The following ARHGAP44 variants were observed in gnomAD, a reference collection of about 807,000 sequenced individuals.
ARHGAP44 encodes rho GTPase-activating protein 44.
ARHGAP44 carries 43 observed loss-of-function variants against 106.8 expected under a neutral mutation model. That is an observed-to-expected ratio of 0.40 (90% confidence interval 0.32 to 0.52). The LOEUF (loss-of-function observed/expected upper bound fraction) is 0.52, where lower values mean the gene tolerates loss of function less well. Ranked by LOEUF, ARHGAP44 falls within the 20% of genes least tolerant of loss-of-function variation. ARHGAP44 has a pLI of 0.48. For synonymous variants in ARHGAP44, 439 were observed against 410.3 expected (o/e 1.07, Z -0.85); for missense variants, 866 against 1,050.5 (o/e 0.82, Z 2.43).
intron 1 of ARHGAP44, among the ~76,000 whole-genome samples, chr17:12,802,948 TATATATATATATATATA>T (rs1434414480): frequency 0.019 from 671 of 36,128 alleles, 68 homozygotes; most frequent in Non-Finnish European, 0.021. Flanking sequence ...TATATATATA[TATATATATATATATATA>T]TATATTTTTT....
intron 1 of ARHGAP44, among the ~76,000 whole-genome samples, chr17:12,848,786 G>T (rs2035645058): frequency 6.6e-6 from 1 of 152,118 alleles, no homozygotes; most frequent in Admixed American, 6.5e-5. Flanking sequence ...GGTGGCTCAT[G>T]CCTGTAATCC....
In ARHGAP44 at chr17:12,981,272, C is replaced by G. The variant is rs55708868; in HGVS notation, c.1939+1039C>G. 2.6e-5 allele frequency among the ~76,000 whole-genome samples: 4 copies of G among 152,032 alleles called. No homozygotes were observed. In the South Asian group the frequency reaches 8.3e-4, roughly 32 times the overall value. On this transcript the variant is annotated intron_variant, in intron 19 of 20. Transcript: ENST00000379672. ...TCAGGAGTTAGGACAGGTGGCCCAGCGGAAACGACATCGTGAAGGTTGAAT... is the reference window on the plus strand; with the variant it reads ...TCAGGAGTTAGGACAGGTGGCCCAGGGGAAACGACATCGTGAAGGTTGAAT...
chr17:12,830,007 G>T (rs2035038133), intron 1 of ARHGAP44, among the ~76,000 whole-genome samples: 1 of 152,172 alleles, frequency 6.6e-6, no homozygotes, highest in Non-Finnish European at 1.5e-5. Context: ...ATAAATGAAT[G>T]AAACCAAATA....
At chr17:12,843,096 C>G (rs1348110871) in intron 1 of ARHGAP44, among the ~76,000 whole-genome samples, 4 of 151,750 alleles carry the variant, frequency 2.6e-5, no homozygotes, top group East Asian at 3.9e-4. Context: ...ATGGTGGAAG[C>G]CTTGTGTAAA....
chr17:12,830,038 C>A (rs998876003), intron 1 of ARHGAP44, among the ~76,000 whole-genome samples: 2 of 152,154 alleles, frequency 1.3e-5, no homozygotes, highest in African/African-American at 2.4e-5. Flanking sequence ...CAGTTAAGAA[C>A]TTGTCCTGCA....
chr17:12,960,025 G>A (rs2039220127), intron 16 of ARHGAP44, among the ~76,000 whole-genome samples: 1 of 152,214 alleles, frequency 6.6e-6, no homozygotes, highest in Admixed American at 6.5e-5. Context: ...GTTGGTATTG[G>A]AGAACTAAAG....
intron 1 of ARHGAP44, among the ~76,000 whole-genome samples, chr17:12,867,340 A>G (rs1244853694): frequency 1.3e-5 from 2 of 152,056 alleles, no homozygotes; most frequent in African/African-American, 4.8e-5. Flanking sequence ...TAACTTTTTT[A>G]TGAGTCCGTC....
chr17:12,877,877 A>C (rs1180404408), intron 1 of ARHGAP44, among the ~76,000 whole-genome samples: 1 of 152,234 alleles, frequency 6.6e-6, no homozygotes, highest in African/African-American at 2.4e-5. Context: ...GGCATCAGAG[A>C]AGTCCTCCTT....
chr17:12,896,950 G>T (rs1215302904), intron 3 of ARHGAP44, among the ~76,000 whole-genome samples: 1 of 152,198 alleles, frequency 6.6e-6, no homozygotes, highest in Non-Finnish European at 1.5e-5. Flanking sequence ...ACCTATAAAG[G>T]CCCTTGAAAA....
chr17:12,836,074 A>C (rs1234198535), intron 1 of ARHGAP44, among the ~76,000 whole-genome samples: 1 of 152,062 alleles, frequency 6.6e-6, no homozygotes, highest in South Asian at 2.1e-4. Context: ...TCTTTTGTCT[A>C]TTGTGAATAA....
intron 1 of ARHGAP44, among the ~76,000 whole-genome samples, chr17:12,795,138 A>G (rs911699006): frequency 2.6e-5 from 4 of 152,132 alleles, no homozygotes; most frequent in Admixed American, 2.6e-4. Flanking sequence ...GGCTGGGCGG[A>G]CCCAAACTCG....
rs1382018994 is a variant in ARHGAP44, at chr17:12,984,637, C to T, written c.2046C>T (p.Thr682=). The change falls in exon 20 of 21, where the codon ACC becomes ACT. Residue 682 remains threonine, a synonymous_variant. Coordinates refer to ENST00000379672, the MANE Select transcript of ARHGAP44 (RefSeq NM_014859.6). The stretch of plus-strand genomic sequence containing the variant: ...CGTCCCCAGTCAGCCTGTCCCCCAC[C>T]CCGCCCAGCACCCCGTCACCCTATG... ...GQPSPVSLSP[T]PPSTPSPYGL... 1.9e-6 allele frequency: 3 copies of T among 1,612,626 alleles called. No homozygotes were observed. Among genetic ancestry groups the T allele is most frequent in the Non-Finnish European group, 1.7e-6 (2 of 1,179,594 alleles).
intron 1 of ARHGAP44, among the ~76,000 whole-genome samples, chr17:12,855,321 A>C (rs755172593): frequency 2.8e-4 from 43 of 152,336 alleles, no homozygotes; most frequent in Non-Finnish European, 5.6e-4. Flanking sequence ...TTGTTGTGTA[A>C]GTTGCAAATA....
At chr17:12,944,265 T>C (rs943984496) in intron 10 of ARHGAP44, 69 bp downstream of exon 10, 7 of 1,514,266 alleles carry the variant, frequency 4.6e-6, no homozygotes, top group African/African-American at 2.7e-5. Context: ...GCTTACAGGA[T>C]CCTCTCTCCT....
In ARHGAP44 at chr17:12,829,828, A is replaced by G. The variant is rs369769572; in HGVS notation, c.53+39937A>G. On this transcript the variant is annotated intron_variant, in intron 1 of 20. Transcript: ENST00000379672. ...CCTACTGCCCCACATTCATGATCCAACCCCCATCCTCTGCTTTATTTTAAT... is the reference window on the plus strand; with the variant it reads ...CCTACTGCCCCACATTCATGATCCAGCCCCCATCCTCTGCTTTATTTTAAT... Among the ~76,000 whole-genome samples, 68 of 151,646 alleles carry G rather than the reference A, an allele frequency of 4.5e-4. No individual in the cohort carries two copies. The East Asian group carries it at 6.6e-3, about 15-fold the overall frequency.
chr17:12,904,933 A>C (rs367985099), intron 3 of ARHGAP44, among the ~76,000 whole-genome samples: 5 of 151,968 alleles, frequency 3.3e-5, no homozygotes, highest in African/African-American at 1.2e-4. Flanking sequence ...ACGGAGTCTC[A>C]CTCTGTCACC....
chr17:12,990,345 G>C lies in ARHGAP44; in HGVS notation c.*174G>C. Reference sequence around the variant, plus strand: ...GATCTCCAGTCCGTGTGGTGATGCTGGTGGTGCAGGTTTTGTTTGTTCCTT... The same window carrying C: ...GATCTCCAGTCCGTGTGGTGATGCTCGTGGTGCAGGTTTTGTTTGTTCCTT... On this transcript the variant is annotated 3_prime_UTR_variant, in exon 21 of 21. Coordinates refer to ENST00000379672, the MANE Select transcript of ARHGAP44 (RefSeq NM_014859.6). 2.5e-6 allele frequency: 2 copies of C among 800,820 alleles called. No homozygotes were observed. Among genetic ancestry groups the C allele is most frequent in the Non-Finnish European group, 3.8e-6 (2 of 527,452 alleles). The allele number at this position is 800,820 out of a possible 1,614,324, so 49.6% of individuals were successfully genotyped here.
At chr17:12,882,093 G>A (rs571181303) in intron 1 of ARHGAP44, among the ~76,000 whole-genome samples, 1 of 152,234 alleles carries the variant, frequency 6.6e-6, no homozygotes, top group Non-Finnish European at 1.5e-5. Context: ...GAAGAGAACT[G>A]ATATGTTTTC....
chr17:12,910,883 CAAAAAATA>C (rs1392013887), intron 4 of ARHGAP44, among the ~76,000 whole-genome samples: 2 of 149,358 alleles, frequency 1.3e-5, no homozygotes, highest in African/African-American at 4.9e-5. Context: ...ATTTAACATC[CAAAAAATA>C]AAAAAATAAA....
Sources: gnomAD v4.1 joint callset for allele counts (sites outside exome capture counted in the v4.1 genomes callset) on GRCh38, gnomAD v4.1.1 for gene constraint, MANE v1.5 for transcripts, NCBI Gene and HGNC (gene_info 2026-07-23, HGNC 2026-07-21) for gene names.